The following SLC25A40 variants were observed in gnomAD, a reference collection of about 807,000 sequenced individuals.
SLC25A40 encodes solute carrier family 25 member 40, also known as mitochondrial glutathione transporter SLC25A40.
Under a neutral mutation model 46.5 loss-of-function variants are expected in SLC25A40, and 41 were observed. The observed-to-expected ratio is 0.88, with a 90% CI of 0.69 to 1.14. The LOEUF is 1.14. Among genes scored for constraint, SLC25A40 ranks in the 50% most tolerant of loss-of-function variants. The pLI is 0.00. For missense variants in SLC25A40, 386 were observed against 393.6 expected, an observed-to-expected ratio of 0.98 and a Z score of 0.16; for synonymous variants, 126 against 127.5, an observed-to-expected ratio of 0.99 and a Z score of 0.08.
chr7:87,874,138 T>C (rs1838937697), intron 1 of SLC25A40, among the ~76,000 whole-genome samples: 1 of 152,208 alleles, frequency 6.6e-6, no homozygotes, highest in Non-Finnish European at 1.5e-5. Context: ...GGATAATAGA[T>C]TAGAAAATTA....
At chr7:87,856,469 G>A (rs1838617489) in intron 3 of SLC25A40, 118 bp from the exon 4 acceptor site, 2 of 862,834 alleles carry the variant, frequency 2.3e-6, no homozygotes, top group South Asian at 2.7e-5. Context: ...TAATTGGTAA[G>A]CTTATTTATC....
intron 6 of SLC25A40, among the ~76,000 whole-genome samples, chr7:87,848,803 C>A (rs903522241): frequency 7.2e-5 from 11 of 152,288 alleles, no homozygotes; most frequent in African/African-American, 2.6e-4. Context: ...AAAGGACATT[C>A]ACAGACTATA....
rs1838217926 is a variant in SLC25A40, at chr7:87,833,596, A to AGTT, written c.*2650_*2652dup. The AGTT allele has an allele frequency of 6.6e-6, 1 of 152,038 alleles. No individual in the cohort carries two copies. The highest frequency in any genetic ancestry group is 6.6e-5 in the Admixed American group (1 of 15,196). The allele number at this position is 152,038 out of a possible 1,614,324, so 9.4% of individuals were successfully genotyped here. A position where few individuals can be genotyped will look rare whatever the true frequency, so the allele number is the denominator to read the frequency against. On this transcript the variant is annotated 3_prime_UTR_variant, in exon 12 of 12. Transcript: ENST00000341119. ...AAGCAGTAATATCTTTTATTTAAAA[A>AGTT]GTTCATCTTAGAAGAAAATTCAAAA...
intron 1 of SLC25A40, among the ~76,000 whole-genome samples, chr7:87,872,556 C>T (rs1838910737): frequency 6.6e-6 from 1 of 152,140 alleles, no homozygotes; most frequent in East Asian, 1.9e-4. Flanking sequence ...CCTTTCAATC[C>T]TTTTCAATGA....
chr7:87,846,052 C>G (rs1256380383), intron 8 of SLC25A40, among the ~76,000 whole-genome samples: 4 of 152,084 alleles, frequency 2.6e-5, no homozygotes, highest in Non-Finnish European at 5.9e-5. Flanking sequence ...CACTGTCTTA[C>G]TTGTTTACTC....
rs1838228594 is a variant in SLC25A40, at chr7:87,834,108, G to C, written c.*2141C>G. On this transcript the variant is annotated 3_prime_UTR_variant, in exon 12 of 12. Coordinates refer to ENST00000341119, the MANE Select transcript of SLC25A40 (RefSeq NM_018843.4). ...TAGAAACATCACCAAGAACACTGTT[G>C]TGGCACATGTTTGCAAATATTGCAA... 6.6e-6 allele frequency: 1 copy of C among 151,820 alleles called. No homozygotes were observed. Among genetic ancestry groups the C allele is most frequent in the South Asian group, 2.1e-4 (1 of 4,824 alleles). 9.4% of individuals were successfully genotyped at this position (151,820 alleles called of 1,614,324 possible). A position where few individuals can be genotyped will look rare whatever the true frequency, so the allele number is the denominator to read the frequency against.
At chr7:87,849,590 G>A (rs572226776) in intron 6 of SLC25A40, among the ~76,000 whole-genome samples, 10 of 152,224 alleles carry the variant, frequency 6.6e-5, no homozygotes, top group Non-Finnish European at 1.5e-4. Flanking sequence ...CATAAGGGAG[G>A]ACTTTGGAAG....
At chr7:87,845,049 T>C (rs779227626) in intron 8 of SLC25A40, among the ~76,000 whole-genome samples, 6 of 152,044 alleles carry the variant, frequency 3.9e-5, no homozygotes, top group Admixed American at 6.6e-5. Context: ...TGTAGATAGA[T>C]CAAGGCTACA....
At chr7:87,838,932 A>G (rs1294252861) in intron 10 of SLC25A40, among the ~76,000 whole-genome samples, 2 of 151,604 alleles carry the variant, frequency 1.3e-5, no homozygotes, top group African/African-American at 4.8e-5. Flanking sequence ...ATAATGATTT[A>G]TCCATTTTCC....
chr7:87,866,579 T>C (rs558982965), intron 1 of SLC25A40, among the ~76,000 whole-genome samples: 1 of 152,228 alleles, frequency 6.6e-6, no homozygotes, highest in South Asian at 2.1e-4. Context: ...TGGGAAGCCA[T>C]GGGCGTCCTC....
rs369554844 is a variant in SLC25A40 at position 87,856,375 on chromosome 7, A to G, written c.98-24T>C. On this transcript the variant is annotated intron_variant, in intron 3 of 11. Transcript: ENST00000341119. ...CACTATGAAGATATGTTAAGTTTCAATTAGCGAGTGGTATCTGTAAATTGG... is the reference window on the plus strand; with the variant it reads ...CACTATGAAGATATGTTAAGTTTCAGTTAGCGAGTGGTATCTGTAAATTGG... The G allele has an allele frequency of 4.5e-6, 7 of 1,570,828 alleles. No individual in the cohort carries two copies. In the African/African-American group the frequency reaches 6.8e-5, roughly 15 times the overall value.
At chr7:87,845,128 G>T (rs1030373622) in intron 8 of SLC25A40, among the ~76,000 whole-genome samples, 1 of 152,002 alleles carries the variant, frequency 6.6e-6, no homozygotes, top group Non-Finnish European at 1.5e-5. Context: ...AAAAACAAAA[G>T]ATTTTTCATA....
In SLC25A40 at chr7:87,849,313, T is replaced by C. The variant is rs372976878; in HGVS notation, c.332+568A>G. Among the ~76,000 whole-genome samples the C allele has an allele frequency of 1.9e-4, 29 of 152,276 alleles. No individual in the cohort carries two copies. In the East Asian group the frequency reaches 4.4e-3, roughly 23 times the overall value. ...TCGTGAGAATATATCCCCAGGAGTA[T>C]TCCCCATTAGAAGGTTTTTTGTATG... On this transcript the variant is annotated intron_variant, in intron 6 of 11. Coordinates refer to ENST00000341119, the MANE Select transcript of SLC25A40 (RefSeq NM_018843.4).
chr7:87,875,309 T>C (rs906020974), intron 1 of SLC25A40, among the ~76,000 whole-genome samples: 3 of 152,210 alleles, frequency 2.0e-5, no homozygotes, highest in Non-Finnish European at 2.9e-5. Context: ...CATAAACCTG[T>C]CTAAAACCAA....
At chr7:87,844,723 G>T (rs914020136) in intron 8 of SLC25A40, among the ~76,000 whole-genome samples, 3 of 151,596 alleles carry the variant, frequency 2.0e-5, no homozygotes, top group Non-Finnish European at 4.4e-5. Flanking sequence ...AAAATCAATT[G>T]CAACTGCACA....
chr7:87,856,550 G>A (rs1000090361), intron 3 of SLC25A40, among the ~76,000 whole-genome samples, 199 bp from the exon 4 acceptor site: 5 of 152,006 alleles, frequency 3.3e-5, no homozygotes, highest in African/African-American at 1.2e-4. Context: ...AAAGACAGAC[G>A]AATTACTTCT....
At chr7:87,852,469 G>A (rs1011077995) in intron 5 of SLC25A40, among the ~76,000 whole-genome samples, 2 of 151,986 alleles carry the variant, frequency 1.3e-5, no homozygotes, top group African/African-American at 2.4e-5. Context: ...TTTGGGAGAC[G>A]GAGGTGGGAG....
chr7:87,841,133 A>ATGTGTG lies in SLC25A40; in HGVS notation c.823+494_823+499dup, dbSNP rs561277692. 4.5e-4 allele frequency among the ~76,000 whole-genome samples: 64 copies of ATGTGTG among 142,960 alleles called. No homozygotes were observed. The South Asian group carries it at 6.4e-3, about 14-fold the overall frequency. The allele number at this position is 142,960 out of a possible 152,430, so 93.8% of individuals were successfully genotyped here. A position where few individuals can be genotyped will look rare whatever the true frequency, so the allele number is the denominator to read the frequency against. Reference sequence around the variant, plus strand: ...AATTACAAGAAAGCTTAAAAACAAAATGTGTGTGTGTGTGTGTGTGTGTGT... The same window carrying ATGTGTG: ...AATTACAAGAAAGCTTAAAAACAAAATGTGTGTGTGTGTGTGTGTGTGTGTGTGTGT... On this transcript the variant is annotated intron_variant, in intron 10 of 11. Transcript: ENST00000341119.
intron 6 of SLC25A40, among the ~76,000 whole-genome samples, chr7:87,849,657 C>T (rs986819485): frequency 1.4e-4 from 22 of 152,204 alleles, no homozygotes; most frequent in African/African-American, 5.1e-4. Context: ...TGTTTTCTAT[C>T]CTTTTGCTGT....
Sources: gnomAD v4.1 joint callset for allele counts (sites outside exome capture counted in the v4.1 genomes callset) on GRCh38, gnomAD v4.1.1 for gene constraint, MANE v1.5 for transcripts, NCBI Gene and HGNC (gene_info 2026-07-23, HGNC 2026-07-21) for gene names.